Variants in ADAMTS2 observed in about 807,000 individuals in gnomAD.
ADAMTS2 encodes ADAM metallopeptidase with thrombospondin type 1 motif 2, also known as A disintegrin and metalloproteinase with thrombospondin motifs 2.
ADAMTS2 carries 50 observed loss-of-function variants against 123.0 expected under a neutral mutation model. That is an observed-to-expected ratio of 0.41 (90% CI 0.32 to 0.51). The LOEUF (loss-of-function observed/expected upper bound fraction) is 0.51. Among genes scored for constraint, ADAMTS2 ranks in the 20% least tolerant of loss-of-function variants. The probability of loss-of-function intolerance (pLI) is 0.35; values close to 1 mark genes in which losing one functional copy is unlikely to be tolerated. For missense variants in ADAMTS2, 1,494 were observed against 1,705.2 expected (o/e 0.88, Z 2.18); for synonymous variants, 678 against 695.4 (o/e 0.98, Z 0.39).
At chr5:179,224,199 C>T (rs139507804) in intron 3 of ADAMTS2, among the ~76,000 whole-genome samples, 237 of 152,260 alleles carry the variant, frequency 1.6e-3, no homozygotes, top group African/African-American at 4.4e-3. Flanking sequence ...GGATGCTGTG[C>T]GCTTACTGCA....
intron 13 of ADAMTS2, among the ~76,000 whole-genome samples, chr5:179,133,792 C>T (rs1266422508): frequency 6.6e-6 from 1 of 151,564 alleles, no homozygotes; most frequent in African/African-American, 2.4e-5. Context: ...GATCTTGGCT[C>T]ACTGCAGCCT....
chr5:179,208,462 C>T (rs548752640), intron 3 of ADAMTS2, among the ~76,000 whole-genome samples: 1 of 152,346 alleles, frequency 6.6e-6, no homozygotes, highest in Non-Finnish European at 1.5e-5. Context: ...GGCAGCTCCG[C>T]TGCAGTCGGC....
Position 179,117,791 on chromosome 5 carries a change from C to T in ADAMTS2, c.3179-3467G>A, listed in dbSNP as rs573811121. ...GACCTTGTGATCCATCCACCTCAGCCTCCCAAAGTGCTGGGATTACAGGTG... is the reference window on the plus strand; with the variant it reads ...GACCTTGTGATCCATCCACCTCAGCTTCCCAAAGTGCTGGGATTACAGGTG... On this transcript the variant is annotated intron_variant, in intron 21 of 21. Coordinates refer to ENST00000251582, the MANE Select transcript of ADAMTS2 (RefSeq NM_014244.5). The surrounding 1 kb of genome is among the most constrained non-coding windows in gnomAD (Gnocchi z 4.2). Among the ~76,000 whole-genome samples the T allele has an allele frequency of 2.0e-5, 3 of 152,280 alleles. No individual in the cohort carries two copies. The highest frequency in any genetic ancestry group is 7.2e-5 in the African/African-American group (3 of 41,562).
chr5:179,174,503 T>G (rs1369559155), intron 5 of ADAMTS2, among the ~76,000 whole-genome samples: 1 of 152,224 alleles, frequency 6.6e-6, no homozygotes, highest in Non-Finnish European at 1.5e-5. Context: ...GTGATTTAAA[T>G]AGTTGAATGT....
At chr5:179,125,456 G>A (rs1360324263) in intron 18 of ADAMTS2, among the ~76,000 whole-genome samples, 1 of 152,140 alleles carries the variant, frequency 6.6e-6, no homozygotes, top group African/African-American at 2.4e-5. Context: ...TGGCTCTGGA[G>A]GTCCCTAGCC....
At chr5:179,174,766 G>A (rs115972004) in intron 5 of ADAMTS2, among the ~76,000 whole-genome samples, 17,101 of 145,278 alleles carry the variant, frequency 0.12, 1,154 homozygotes, top group Non-Finnish European at 0.13. Flanking sequence ...CAGCTGTCTC[G>A]GCCATTCTTG....
chr5:179,222,357 T>G (rs1373806206), intron 3 of ADAMTS2, among the ~76,000 whole-genome samples: 1 of 152,084 alleles, frequency 6.6e-6, no homozygotes, highest in Non-Finnish European at 1.5e-5. Flanking sequence ...TCCTGAAAAT[T>G]TAATCCCCAA....
chr5:179,120,322 A>T (rs969576145), intron 21 of ADAMTS2: 2 of 152,228 alleles, frequency 1.3e-5, no homozygotes, highest in Non-Finnish European at 2.9e-5. Flanking sequence ...CGACAATGGA[A>T]CCTATAGAAT....
At position 179,188,775 on chromosome 5, in the gene ADAMTS2, C is replaced by A. The variant is rs956405559; in HGVS notation, c.892-7620G>T. Among the ~76,000 whole-genome samples, 1 of 152,168 alleles carries A rather than the reference C, an allele frequency of 6.6e-6. No homozygotes were observed. The highest frequency in any genetic ancestry group is 1.5e-5 in the Non-Finnish European group (1 of 68,034). ...TGTCCACACTCTGCTGATACCTCTGCAGATGCCTCAGGGTGGGGACGGGGC... is the reference window on the plus strand; with the variant it reads ...TGTCCACACTCTGCTGATACCTCTGAAGATGCCTCAGGGTGGGGACGGGGC... On this transcript the variant is annotated intron_variant, in intron 4 of 21. Transcript: ENST00000251582. The surrounding 1 kb of genome is among the most constrained non-coding windows in gnomAD (Gnocchi z 5.1).
chr5:179,282,423 G>C (rs1258609650), intron 2 of ADAMTS2, among the ~76,000 whole-genome samples: 2 of 152,088 alleles, frequency 1.3e-5, no homozygotes, highest in African/African-American at 2.4e-5. Context: ...ACTTGTCTTG[G>C]ACCTTTGTCA....
Position 179,128,246 on chromosome 5 carries a change from A to G in ADAMTS2, c.2458-128T>C. 1.7e-6 allele frequency: 2 copies of G among 1,194,710 alleles called. No individual in the cohort carries two copies. The highest frequency in any genetic ancestry group is 1.3e-5 in the South Asian group (1 of 77,144). 74.0% of individuals were successfully genotyped at this position (1,194,710 alleles called of 1,614,324 possible). On this transcript the variant is annotated intron_variant, in intron 16 of 21. Transcript: ENST00000251582. This position sits in a 1 kb window ranked among gnomAD's most constrained non-coding sequence, Gnocchi z 4.9. ...CATTCATGGCAGTTACATTCCATGA[A>G]GTCGCCCCGAGCACCAAATTCTTGA... is the stretch of plus-strand genomic sequence containing the variant.
chr5:179,343,275 G>A (rs1757832884), intron 2 of ADAMTS2, among the ~76,000 whole-genome samples: 1 of 152,196 alleles, frequency 6.6e-6, no homozygotes, highest in Non-Finnish European at 1.5e-5. Context: ...GTATGCACAA[G>A]GACGGACACA....
chr5:179,143,843 C>G (rs1763212162), intron 10 of ADAMTS2, among the ~76,000 whole-genome samples: 1 of 152,078 alleles, frequency 6.6e-6, no homozygotes, highest in African/African-American at 2.4e-5. Flanking sequence ...TAATTTTTAT[C>G]TGAATTTTCT....
intron 3 of ADAMTS2, among the ~76,000 whole-genome samples, chr5:179,261,680 C>A (rs182758317): frequency 6.6e-6 from 1 of 152,194 alleles, no homozygotes; most frequent in Non-Finnish European, 1.5e-5. Flanking sequence ...GCGCTGCCTG[C>A]GGCCCCTTGG....
intron 5 of ADAMTS2, among the ~76,000 whole-genome samples, chr5:179,159,169 T>A (rs1443043616): frequency 1.3e-5 from 2 of 152,192 alleles, no homozygotes; most frequent in Non-Finnish European, 2.9e-5. Flanking sequence ...CCTCGCATAG[T>A]CCCACCGTCT....
In ADAMTS2 at chr5:179,253,541, GA is replaced by G. The variant is rs567892136; in HGVS notation, c.688+19369del. Among the ~76,000 whole-genome samples the G allele has an allele frequency of 8.0e-3, 1,210 of 152,082 alleles. 7 individuals carry two copies. The highest frequency in any genetic ancestry group is 0.014 in the Non-Finnish European group (927 of 67,990). On this transcript the variant is annotated intron_variant, in intron 3 of 21. Transcript: ENST00000251582. The stretch of plus-strand genomic sequence containing the variant: ...CATGCCTGTAATCCCAGCTGCTAGG[GA>G]GGCTGAGGCAGGAGAATCACTGGAA...
intron 4 of ADAMTS2, 52 bp downstream of exon 4, chr5:179,207,461 C>T (rs527987355): frequency 3.2e-6 from 5 of 1,566,794 alleles, no homozygotes; most frequent in South Asian, 1.1e-5. Flanking sequence ...GCCTGCCCAG[C>T]CCCTGGTTGA....
intron 2 of ADAMTS2, among the ~76,000 whole-genome samples, chr5:179,309,442 C>T (rs945175180): frequency 7.2e-5 from 11 of 152,206 alleles, no homozygotes; most frequent in African/African-American, 1.9e-4. Context: ...CTTCCTAGCC[C>T]GGCCCCCAAG....
chr5:179,344,250 C>T, intron 1 of ADAMTS2, 89 bp from the exon 2 acceptor site: 6 of 1,475,350 alleles, frequency 4.1e-6, no homozygotes, highest in Non-Finnish European at 5.5e-6. Context: ...CCCCAGACCC[C>T]GCCCCACTGC....
Sources: gnomAD v4.1 joint callset for allele counts (sites outside exome capture counted in the v4.1 genomes callset) on GRCh38, gnomAD v4.1.1 for gene constraint, Gnocchi (gnomAD v3.1) non-coding constraint, MANE v1.5 for transcripts, NCBI Gene and HGNC (gene_info 2026-07-23, HGNC 2026-07-21) for gene names.